The following ULK2 variants were observed in gnomAD, a reference collection of about 807,000 sequenced individuals.
ULK2 encodes serine/threonine-protein kinase ULK2.
In ULK2, 76 loss-of-function variants were observed where a neutral mutation model predicts 127.5. That is an observed-to-expected ratio of 0.60 (90% CI 0.50 to 0.72). ULK2 has a LOEUF of 0.72. ULK2 is among the 30% of genes least tolerant of loss of function. The probability of loss-of-function intolerance (pLI) is 0.00; values close to 1 mark genes in which losing one functional copy is unlikely to be tolerated. For missense variants in ULK2, 1,144 were observed against 1,295.9 expected, an observed-to-expected ratio of 0.88 and a Z score of 1.80; for synonymous variants, 452 against 461.9, an observed-to-expected ratio of 0.98 and a Z score of 0.28.
intron 10 of ULK2, among the ~76,000 whole-genome samples, chr17:19,830,313 ACCTCAGACTC>A (rs1473016046): frequency 6.6e-6 from 1 of 151,962 alleles, no homozygotes; most frequent in African/African-American, 2.4e-5. Context: ...AATCCCTCTT[ACCTCAGACTC>A]CCAAGAAGCT....
chr17:19,812,462 C>T (rs1371222707), intron 13 of ULK2, among the ~76,000 whole-genome samples: 2 of 152,278 alleles, frequency 1.3e-5, no homozygotes, highest in East Asian at 3.9e-4. Flanking sequence ...CCTAACCTAC[C>T]GAATATCATG....
chr17:19,823,124 C>CTTTTTTTTTTTTT (rs1407810407), intron 12 of ULK2, among the ~76,000 whole-genome samples: 2 of 11,928 alleles, frequency 1.7e-4, no homozygotes, highest in African/African-American at 8.4e-4. Flanking sequence ...GCACGCCTGG[C>CTTTTTTTTTTTTT]TATTTTTTTT....
chr17:19,810,275 T>C, intron 14 of ULK2, 103 bp downstream of exon 14: 1 of 652,066 alleles, frequency 1.5e-6, no homozygotes. Flanking sequence ...TAATGGACTG[T>C]AAAACAAAAT....
At chr17:19,826,666 A>G (rs1002750814) in intron 10 of ULK2, among the ~76,000 whole-genome samples, 1 of 152,146 alleles carries the variant, frequency 6.6e-6, no homozygotes, top group Admixed American at 6.6e-5. Context: ...TTAAAAAGAG[A>G]AAAAACTGGC....
chr17:19,780,649 G>T lies in ULK2; in HGVS notation c.2759-20C>A. ...TGACAACTGAAAAAAAATTGAGATG[G>T]GAACTAATTTTAATTTTCCTCCAGA... On this transcript the variant is annotated intron_variant, in intron 24 of 26. Transcript: ENST00000395544. 6.3e-7 allele frequency: 1 copy of T among 1,586,942 alleles called. No individual in the cohort carries two copies. The highest frequency in any genetic ancestry group is 8.6e-7 in the Non-Finnish European group (1 of 1,165,924).
At chr17:19,781,475 T>C (rs536094829) in intron 23 of ULK2, among the ~76,000 whole-genome samples, 3 of 152,210 alleles carry the variant, frequency 2.0e-5, no homozygotes, top group South Asian at 2.1e-4. Context: ...CTCGAACCCA[T>C]GGGCTCAAGC....
intron 15 of ULK2, among the ~76,000 whole-genome samples, chr17:19,803,225 C>T (rs2087438478): frequency 6.6e-6 from 1 of 152,200 alleles, no homozygotes. Context: ...AACAATCATA[C>T]AATGCTTTTC....
At chr17:19,805,948 C>T (rs951664318) in intron 14 of ULK2, among the ~76,000 whole-genome samples, 33 of 152,326 alleles carry the variant, frequency 2.2e-4, no homozygotes, top group African/African-American at 7.7e-4. Context: ...ATTTAGTGTG[C>T]TTCTATGAGC....
rs1276059959 is a variant in ULK2, at chr17:19,825,584, C to T, written c.836-402G>A. Among the ~76,000 whole-genome samples, 3 of 151,862 alleles carry T rather than the reference C, an allele frequency of 2.0e-5. No individual in the cohort carries two copies. The East Asian group carries it at 5.8e-4, about 29-fold the overall frequency. ...AATTAGCCAGGTGTGGTAGTGCCCG[C>T]CTGTAATCCCAGCTACTCCAGAGGC... On this transcript the variant is annotated intron_variant, in intron 11 of 26. Transcript: ENST00000395544.
At chr17:19,812,939 T>C (rs1177157559) in intron 13 of ULK2, among the ~76,000 whole-genome samples, 1 of 152,200 alleles carries the variant, frequency 6.6e-6, no homozygotes, top group Non-Finnish European at 1.5e-5. Context: ...ACATTCATAC[T>C]TGGGACAGAG....
rs536774979 is a variant in ULK2, at chr17:19,867,495, C to G, written c.-78G>C. On this transcript the variant is annotated 5_prime_UTR_variant, in exon 1 of 27. Coordinates refer to ENST00000395544, the MANE Select transcript of ULK2 (RefSeq NM_014683.4). ...GGTATCAGCACCGCGGCTCCGCGGGCCCGGAGCGCGCCAGCGTGCGGCGGG... is the reference window on the plus strand; with the variant it reads ...GGTATCAGCACCGCGGCTCCGCGGGGCCGGAGCGCGCCAGCGTGCGGCGGG... 4.2e-5 allele frequency: 49 copies of G among 1,161,862 alleles called. No homozygotes were observed. Among genetic ancestry groups the G allele is most frequent in the Non-Finnish European group, 5.1e-5 (45 of 880,690 alleles). The allele number at this position is 1,161,862 out of a possible 1,614,324, so 72.0% of individuals were successfully genotyped here.
chr17:19,793,413 T>TA (rs1207132948), intron 20 of ULK2, among the ~76,000 whole-genome samples: 2 of 152,112 alleles, frequency 1.3e-5, no homozygotes, highest in Non-Finnish European at 2.9e-5. Flanking sequence ...AGGGAAAGAA[T>TA]AGTCTTCAAT....
At chr17:19,782,192 A>G (rs537934673) in intron 22 of ULK2, 125 bp from the exon 23 acceptor site, 2 of 1,073,188 alleles carry the variant, frequency 1.9e-6, no homozygotes, top group East Asian at 5.3e-5. Context: ...TGACAAAAGG[A>G]GATTGAAATT....
At chr17:19,779,914 C>G (rs542364743) in intron 25 of ULK2, among the ~76,000 whole-genome samples, 1 of 152,282 alleles carries the variant, frequency 6.6e-6, no homozygotes, top group South Asian at 2.1e-4. Context: ...TGGCTCACAT[C>G]TGTAATCCCA....
chr17:19,823,838 T>G (rs1337735440), intron 12 of ULK2, among the ~76,000 whole-genome samples: 1 of 152,208 alleles, frequency 6.6e-6, no homozygotes, highest in African/African-American at 2.4e-5. Context: ...CTATTTGGTA[T>G]GAATTTGCGG....
At chr17:19,778,167 T>C (rs1326770250) in intron 25 of ULK2, among the ~76,000 whole-genome samples, 3 of 152,260 alleles carry the variant, frequency 2.0e-5, no homozygotes, top group Non-Finnish European at 4.4e-5. Context: ...CATTCATTCA[T>C]TCAAAGATAC....
chr17:19,847,591 C>G (rs1384692186), intron 5 of ULK2, among the ~76,000 whole-genome samples: 2 of 152,168 alleles, frequency 1.3e-5, no homozygotes, highest in Non-Finnish European at 2.9e-5. Context: ...ACTCTGTCCC[C>G]CAGGCTGGAG....
chr17:19,839,093 A>C (rs1222254831), intron 9 of ULK2, among the ~76,000 whole-genome samples: 3 of 152,056 alleles, frequency 2.0e-5, no homozygotes, highest in Non-Finnish European at 4.4e-5. Context: ...TCAAATTGAG[A>C]AGATTCCTGT....
chr17:19,864,742 A>T, intron 3 of ULK2, 61 bp downstream of exon 3: 1 of 705,948 alleles, frequency 1.4e-6, no homozygotes, highest in Non-Finnish European at 2.0e-6. Flanking sequence ...AGAGTCACTT[A>T]AATCTGTATG....
Sources: gnomAD v4.1 joint callset for allele counts (sites outside exome capture counted in the v4.1 genomes callset) on GRCh38, gnomAD v4.1.1 for gene constraint, MANE v1.5 for transcripts, NCBI Gene and HGNC (gene_info 2026-07-23, HGNC 2026-07-21) for gene names.